TRIM38: variants seen among roughly 807,000 people sequenced by gnomAD.
TRIM38 encodes tripartite motif containing 38.
TRIM38 carries 35 observed loss-of-function variants against 35.8 expected under a neutral mutation model. The observed-to-expected ratio is 0.98, with a 90% CI of 0.75 to 1.30. TRIM38 has a LOEUF of 1.30. TRIM38 is among the 50% of genes most tolerant of loss of function. The pLI is 0.00. For missense variants in TRIM38, 545 were observed against 556.9 expected, an observed-to-expected ratio of 0.98 and a Z score of 0.21; for synonymous variants, 198 against 204.7, an observed-to-expected ratio of 0.97 and a Z score of 0.28.
chr6:25,980,790 A>G (rs1267787703), intron 7 of TRIM38, among the ~76,000 whole-genome samples: 2 of 152,182 alleles, frequency 1.3e-5, no homozygotes, highest in Non-Finnish European at 2.9e-5. Context: ...ATATGACTAT[A>G]TTATCTATCT....
chr6:25,984,671 G>C lies in TRIM38; in HGVS notation c.*984G>C, dbSNP rs1467307894. On this transcript the variant is annotated 3_prime_UTR_variant, in exon 8 of 8. Coordinates refer to ENST00000357085, the MANE Select transcript of TRIM38 (RefSeq NM_006355.5). Reference sequence around the variant, plus strand: ...AGGCAGGTGGATCACTTGAGGTCAGGAGTTCAACACCAGCCTGGCCAACAT... The same window carrying C: ...AGGCAGGTGGATCACTTGAGGTCAGCAGTTCAACACCAGCCTGGCCAACAT... 1.3e-5 allele frequency: 2 copies of C among 152,142 alleles called. No individual in the cohort carries two copies. Among genetic ancestry groups the C allele is most frequent in the Non-Finnish European group, 2.9e-5 (2 of 68,032 alleles). The allele number at this position is 152,142 out of a possible 1,614,324, so 9.4% of individuals were successfully genotyped here. A position where few individuals can be genotyped will look rare whatever the true frequency, so the allele number is the denominator to read the frequency against.
rs1427444249 is a variant in TRIM38, at chr6:25,989,050, T to C, written c.*5363T>C. The C allele has an allele frequency of 6.6e-6, 1 of 152,232 alleles. No homozygotes were observed. The highest frequency in any genetic ancestry group is 1.9e-4 in the East Asian group (1 of 5,194). 9.4% of individuals were successfully genotyped at this position (152,232 alleles called of 1,614,324 possible). A position where few individuals can be genotyped will look rare whatever the true frequency, so the allele number is the denominator to read the frequency against. ...ATGAACAAGTTACTATTGCTACATA[T>C]CTTTGCAACCTTTGGTGCTGACAGT... On this transcript the variant is annotated 3_prime_UTR_variant, in exon 8 of 8. Transcript: ENST00000357085.
chr6:25,975,002 T>C, intron 7 of TRIM38: 1 of 984,284 alleles, frequency 1.0e-6, no homozygotes, highest in Non-Finnish European at 1.2e-6. Context: ...CATAATATGG[T>C]TCAAGTGAAA....
rs1024767204 is a variant in TRIM38, at chr6:25,983,514, C to A, written c.1225C>A (p.Pro409Thr). The A allele has an allele frequency of 3.1e-6, 5 of 1,613,998 alleles. No individual in the cohort carries two copies. The highest frequency in any genetic ancestry group is 3.3e-5 in the Admixed American group (2 of 59,996). ...PPTSLHLHEQ[P>T]LLVGIFLDYE... Reference sequence around the variant, plus strand: ...AACTTCCCTTCATCTGCATGAGCAGCCCCTGCTTGTGGGAATTTTTCTGGA... The same window carrying A: ...AACTTCCCTTCATCTGCATGAGCAGACCCTGCTTGTGGGAATTTTTCTGGA... The change falls in exon 8 of 8, where the codon CCC (proline) becomes ACC (threonine). Residue 409 changes from proline (P) to threonine (T), a missense_variant. Transcript: ENST00000357085.
rs751365134 is a variant in TRIM38, at chr6:25,966,768, A to G, written c.246A>G (p.Glu82=). The G allele has an allele frequency of 4.3e-6, 7 of 1,614,230 alleles. No individual in the cohort carries two copies. The highest frequency in any genetic ancestry group is 4.2e-6 in the Non-Finnish European group (5 of 1,180,044). The change falls in exon 3 of 8, where the codon GAA becomes GAG. Residue 82 remains glutamate, a synonymous_variant. Transcript: ENST00000357085. ...ACAAGCAGCTGGGAAGCCTCATTGA[A>G]GCCCTCAAAGAGACGGATCAAGAAA... ...RPNKQLGSLI[E]ALKETDQEMS...
Position 25,986,564 on chromosome 6 carries a change from A to G in TRIM38, c.*2877A>G, listed in dbSNP as rs1408143237. ...GAGCTCCAACTAAATAATGTGGGGAACAAAAGAAAAAAGAAGATGATTTTA... is the reference window on the plus strand; with the variant it reads ...GAGCTCCAACTAAATAATGTGGGGAGCAAAAGAAAAAAGAAGATGATTTTA... On this transcript the variant is annotated 3_prime_UTR_variant, in exon 8 of 8. Transcript: ENST00000357085. 6.6e-6 allele frequency: 1 copy of G among 152,062 alleles called. No homozygotes were observed. The highest frequency in any genetic ancestry group is 1.5e-5 in the Non-Finnish European group (1 of 67,994). The allele number at this position is 152,062 out of a possible 1,614,324, so 9.4% of individuals were successfully genotyped here. A position where few individuals can be genotyped will look rare whatever the true frequency, so the allele number is the denominator to read the frequency against.
chr6:25,966,916 G>T lies in TRIM38; in HGVS notation c.394G>T (p.Val132Leu). 1.2e-6 allele frequency: 2 copies of T among 1,607,174 alleles called. No individual in the cohort carries two copies. Among genetic ancestry groups the T allele is most frequent in the East Asian group, 4.5e-5 (2 of 44,716 alleles). Residue 132 changes from valine to leucine, a missense_variant, in exon 3 of 8, where the codon GTA becomes TTA. Coordinates refer to ENST00000357085, the MANE Select transcript of TRIM38 (RefSeq NM_006355.5). Reference protein sequence around the residue: ...KGHTTALVEDVCQGYKEKLQK... With the variant: ...KGHTTALVEDLCQGYKEKLQK... ...GCACACCACAGCTCTTGTTGAAGAC[G>T]TATGCCAGGGCTACAAGGTGAGTGT...
In TRIM38 at chr6:25,966,935, T is replaced by C; in HGVS notation, c.411+2T>C. ...GAAGACGTATGCCAGGGCTACAAGGTGAGTGTGTGGGCCCGGGAGCTTTGG... is the reference window on the plus strand; with the variant it reads ...GAAGACGTATGCCAGGGCTACAAGGCGAGTGTGTGGGCCCGGGAGCTTTGG... On this transcript the variant is annotated splice_donor_variant, in intron 3 of 7. Coordinates refer to ENST00000357085, the MANE Select transcript of TRIM38 (RefSeq NM_006355.5). LOFTEE classifies it high-confidence loss of function. The C allele has an allele frequency of 6.3e-7, 1 of 1,597,688 alleles. No homozygotes were observed. Among genetic ancestry groups the C allele is most frequent in the South Asian group, 1.1e-5 (1 of 89,888 alleles).
intron 3 of TRIM38, among the ~76,000 whole-genome samples, chr6:25,967,208 C>T (rs571229192): frequency 2.6e-5 from 4 of 152,216 alleles, no homozygotes; most frequent in South Asian, 2.1e-4. Context: ...ACCAAACACC[C>T]GCATTTTTTC....
Position 25,973,175 on chromosome 6 carries a change from G to T in TRIM38, c.764G>T (p.Ser255Ile), listed in dbSNP as rs753646980. The T allele has an allele frequency of 1.9e-6, 3 of 1,614,062 alleles. No individual in the cohort carries two copies. The highest frequency in any genetic ancestry group is 2.7e-5 in the African/African-American group (2 of 74,928). The change falls in exon 7 of 8, where the codon AGT becomes ATT. Residue 255 changes from serine (S) to isoleucine (I), a missense_variant and splice_region_variant. Transcript: ENST00000357085. Reference protein sequence around the residue: ...LQNVNDTLSRSWAVKLETSEA... With the variant: ...LQNVNDTLSRIWAVKLETSEA... ...TCTCTCGCCTCTGCTTATTCTAGGA[G>T]TTGGGCTGTGAAGCTGGAAACATCA...
At chr6:25,964,251 CATATGTATGT>C (rs1272658685) in intron 2 of TRIM38, among the ~76,000 whole-genome samples, 17 of 151,794 alleles carry the variant, frequency 1.1e-4, no homozygotes, top group Admixed American at 7.9e-4. Context: ...AATATGTATG[CATATGTATGT>C]ATGTATAAAT....
chr6:25,979,190 T>C (rs1336814408), intron 7 of TRIM38, among the ~76,000 whole-genome samples: 1 of 151,916 alleles, frequency 6.6e-6, no homozygotes, highest in Non-Finnish European at 1.5e-5. Context: ...ATTTGGTTTG[T>C]TATTTATATT....
At chr6:25,973,590 TATC>T in intron 7 of TRIM38, 3 of 976,032 alleles carry the variant, frequency 3.1e-6, no homozygotes, top group Non-Finnish European at 3.7e-6. Flanking sequence ...TTCATTGAGT[TATC>T]ATCAAAATTA....
chr6:25,979,082 C>T (rs1760477651), intron 7 of TRIM38, among the ~76,000 whole-genome samples: 1 of 151,740 alleles, frequency 6.6e-6, no homozygotes. Context: ...ATACACTATA[C>T]ATATATAATA....
At position 25,977,412 on chromosome 6, in the gene TRIM38, G is replaced by A. The variant is rs1760426280; in HGVS notation, c.874+4127G>A. Reference sequence around the variant, plus strand: ...AGGCCGGGTACAGTGGCTTACGCCTGTAATCCCAGCACATTGGGAGGCCGA... The same window carrying A: ...AGGCCGGGTACAGTGGCTTACGCCTATAATCCCAGCACATTGGGAGGCCGA... On this transcript the variant is annotated intron_variant, in intron 7 of 7. Transcript: ENST00000357085. Among the ~76,000 whole-genome samples, 4 of 152,316 alleles carry A rather than the reference G, an allele frequency of 2.6e-5. No homozygotes were observed. The South Asian group carries it at 6.2e-4, about 24-fold the overall frequency.
At chr6:25,980,230 T>G (rs1271053537) in intron 7 of TRIM38, among the ~76,000 whole-genome samples, 2 of 152,240 alleles carry the variant, frequency 1.3e-5, no homozygotes. Flanking sequence ...TCTTTTGGTC[T>G]GCCTGATCTA....
At chr6:25,967,990 T>G (rs746790669) in intron 3 of TRIM38, among the ~76,000 whole-genome samples, 78 of 152,308 alleles carry the variant, frequency 5.1e-4, no homozygotes, top group Non-Finnish European at 9.0e-4. Context: ...AGAGGTTTTG[T>G]GTACCATCCA....
In TRIM38 at chr6:25,971,807, A is replaced by G. The variant is rs1027034334; in HGVS notation, c.508-62A>G. On this transcript the variant is annotated intron_variant, in intron 4 of 7. Transcript: ENST00000357085. ...GTCAGACTTTCATTCTTGTTTATCC[A>G]TTCATCCATAGATGGACATTTGGTT... The G allele has an allele frequency of 2.9e-6, 4 of 1,395,582 alleles. No homozygotes were observed. The Admixed American group carries it at 5.3e-5, about 18-fold the overall frequency. The allele number at this position is 1,395,582 out of a possible 1,614,324, so 86.4% of individuals were successfully genotyped here.
At chr6:25,975,137 A>C (rs1300328900) in intron 7 of TRIM38, 28 of 973,502 alleles carry the variant, frequency 2.9e-5, no homozygotes, top group Non-Finnish European at 3.4e-5. Flanking sequence ...GGTCAAGTGA[A>C]ACTATTTCTT....
Sources: gnomAD v4.1 joint callset for allele counts (sites outside exome capture counted in the v4.1 genomes callset) on GRCh38, gnomAD v4.1.1 for gene constraint, MANE v1.5 for transcripts, NCBI Gene and HGNC (gene_info 2026-07-23, HGNC 2026-07-21) for gene names.